Variants in CAMTA1 observed in about 807,000 individuals in gnomAD.
The protein encoded by CAMTA1 is calmodulin binding transcription activator 1.
CAMTA1 carries 27 observed loss-of-function variants against 170.9 expected under a neutral mutation model. The ratio of observed to expected loss-of-function variants is 0.16; its 90% CI spans 0.12 to 0.22. The LOEUF (loss-of-function observed/expected upper bound fraction) is 0.22. Ranked by LOEUF, CAMTA1 falls within the 10% of genes least tolerant of loss-of-function variation. CAMTA1 has a pLI of 1.00. For synonymous variants in CAMTA1, 833 were observed against 891.5 expected, an observed-to-expected ratio of 0.93 and a Z score of 1.17; for missense variants, 1,619 against 2,217.2, an observed-to-expected ratio of 0.73 and a Z score of 5.42.
intron 7 of CAMTA1, among the ~76,000 whole-genome samples, chr1:7,656,641 T>C (rs2095905607): frequency 6.6e-6 from 1 of 152,196 alleles, no homozygotes; most frequent in African/African-American, 2.4e-5. Context: ...CCCAAGGGCA[T>C]GGGATGGAGC....
chr1:7,037,175 TC>T (rs1703721876), intron 3 of CAMTA1, among the ~76,000 whole-genome samples: 1 of 152,238 alleles, frequency 6.6e-6, no homozygotes, highest in Admixed American at 6.5e-5. Context: ...TTTAGTTCTT[TC>T]TACTTGCAGC....
intron 3 of CAMTA1, among the ~76,000 whole-genome samples, chr1:6,897,178 C>T (rs1157689490): frequency 6.6e-6 from 1 of 152,160 alleles, no homozygotes; most frequent in Non-Finnish European, 1.5e-5. Flanking sequence ...AGGGAACAAA[C>T]AGGTTGAGCA....
At position 7,299,582 on chromosome 1, in the gene CAMTA1, G is replaced by A. The variant is rs1259439258; in HGVS notation, c.438+49956G>A. Among the ~76,000 whole-genome samples, 1 of 152,224 alleles carries A rather than the reference G, an allele frequency of 6.6e-6. No individual in the cohort carries two copies. Among genetic ancestry groups the A allele is most frequent in the South Asian group, 2.1e-4 (1 of 4,834 alleles). On this transcript the variant is annotated intron_variant, in intron 5 of 22. Transcript: ENST00000303635. This position sits in a 1 kb window ranked among gnomAD's most constrained non-coding sequence, Gnocchi z 4.7. ...TCCCCGGAGTCAGACGCTGGCCCTT[G>A]TGTCTCAGGCTCCTGGAACCTTCCG...
At chr1:7,466,109 G>T (rs1048582355) in intron 5 of CAMTA1, among the ~76,000 whole-genome samples, 1 of 152,356 alleles carries the variant, frequency 6.6e-6, no homozygotes, top group African/African-American at 2.4e-5. Flanking sequence ...GATGGTGAAT[G>T]TCACAGGTGG....
At chr1:6,893,268 AAAAG>A (rs1455400785) in intron 3 of CAMTA1, among the ~76,000 whole-genome samples, 1 of 152,146 alleles carries the variant, frequency 6.6e-6, no homozygotes, top group South Asian at 2.1e-4. Flanking sequence ...CTCGAGGAAA[AAAAG>A]AAAAGAAGAA....
At chr1:6,805,529 A>G (rs898701528) in intron 1 of CAMTA1, among the ~76,000 whole-genome samples, 1 of 151,744 alleles carries the variant, frequency 6.6e-6, no homozygotes, top group Non-Finnish European at 1.5e-5. Context: ...TTTTTGAGAG[A>G]GGGTCTCATT....
At chr1:7,098,313 G>A (rs563788296) in intron 4 of CAMTA1, among the ~76,000 whole-genome samples, 11 of 152,370 alleles carry the variant, frequency 7.2e-5, no homozygotes, top group African/African-American at 1.7e-4. Flanking sequence ...AACCGGGAAC[G>A]CACTTCAAAT....
intron 6 of CAMTA1, among the ~76,000 whole-genome samples, chr1:7,515,736 C>T (rs967121972): frequency 4.6e-5 from 7 of 152,206 alleles, no homozygotes; most frequent in Non-Finnish European, 7.3e-5. Context: ...TAACCTCTCG[C>T]GAGCCCTGGA....
chr1:6,908,989 T>A (rs1679146522), intron 3 of CAMTA1, among the ~76,000 whole-genome samples: 1 of 152,256 alleles, frequency 6.6e-6, no homozygotes, highest in Admixed American at 6.5e-5. Context: ...AATCAAAGAA[T>A]AACATGGCGA....
intron 6 of CAMTA1, among the ~76,000 whole-genome samples, chr1:7,632,972 T>A (rs2095682265): frequency 6.6e-6 from 1 of 152,240 alleles, no homozygotes; most frequent in African/African-American, 2.4e-5. Context: ...ACCTTACACA[T>A]GAGCGCTGCT....
At chr1:7,646,652 C>A (rs2095807728) in intron 7 of CAMTA1, among the ~76,000 whole-genome samples, 1 of 146,064 alleles carries the variant, frequency 6.8e-6, no homozygotes, top group Non-Finnish European at 1.5e-5. Context: ...GAGGTAGAGG[C>A]CCTGGTGACT....
At chr1:7,204,118 G>A (rs1237324678) in intron 4 of CAMTA1, among the ~76,000 whole-genome samples, 4 of 151,996 alleles carry the variant, frequency 2.6e-5, no homozygotes, top group Admixed American at 2.6e-4. Context: ...GATTACAGGT[G>A]TGAGCCACTG....
At chr1:6,941,928 G>A (rs1686708341) in intron 3 of CAMTA1, among the ~76,000 whole-genome samples, 1 of 152,236 alleles carries the variant, frequency 6.6e-6, no homozygotes, top group South Asian at 2.1e-4. Flanking sequence ...CCACTGAAGA[G>A]CCTGAGAACC....
intron 5 of CAMTA1, among the ~76,000 whole-genome samples, chr1:7,375,496 C>T (rs1399763522): frequency 2.0e-5 from 3 of 152,146 alleles, no homozygotes; most frequent in African/African-American, 4.8e-5. Context: ...GGGACTGAGG[C>T]GGACGCACAT....
In CAMTA1 at chr1:7,585,611, G is replaced by T. The variant is rs187758182; in HGVS notation, c.511-54789G>T. 1.3e-5 allele frequency among the ~76,000 whole-genome samples: 2 copies of T among 152,156 alleles called. No individual in the cohort carries two copies. Among genetic ancestry groups the T allele is most frequent in the Admixed American group, 1.3e-4 (2 of 15,280 alleles). On this transcript the variant is annotated intron_variant, in intron 6 of 22. Coordinates refer to ENST00000303635, the MANE Select transcript of CAMTA1 (RefSeq NM_015215.4). This position sits in a 1 kb window ranked among gnomAD's most constrained non-coding sequence, Gnocchi z 4.8. Reference sequence around the variant, plus strand: ...TGAAAGAACGTGAACATGGGATCACGCTGGCTACTGGTGCAGAGGGCAAGG... The same window carrying T: ...TGAAAGAACGTGAACATGGGATCACTCTGGCTACTGGTGCAGAGGGCAAGG...
At chr1:6,820,552 C>G (rs566711090) in intron 2 of CAMTA1, among the ~76,000 whole-genome samples, 9 of 152,246 alleles carry the variant, frequency 5.9e-5, no homozygotes, top group African/African-American at 2.2e-4. Flanking sequence ...TGTCCAATAC[C>G]AGGTGACTTA....
At position 7,197,628 on chromosome 1, in the gene CAMTA1, C is replaced by CCACACACACA. The variant is rs3222484; in HGVS notation, c.303-51822_303-51813dup. On this transcript the variant is annotated intron_variant, in intron 4 of 22. Coordinates refer to ENST00000303635, the MANE Select transcript of CAMTA1 (RefSeq NM_015215.4). ...AGGACACTCAAATTATTGTCCCCCACCACACACACACACACACACACACAC... is the reference window on the plus strand; with the variant it reads ...AGGACACTCAAATTATTGTCCCCCACCACACACACACACACACACACACACACACACACAC... Among the ~76,000 whole-genome samples, 300 of 109,866 alleles carry CCACACACACA rather than the reference C, an allele frequency of 2.7e-3. 2 individuals are homozygous for CCACACACACA. The highest frequency in any genetic ancestry group is 0.011 in the East Asian group (27 of 2,480). The allele number at this position is 109,866 out of a possible 152,430, so 72.1% of individuals were successfully genotyped here. A position where few individuals can be genotyped will look rare whatever the true frequency, so the allele number is the denominator to read the frequency against.
At chr1:7,513,899 G>A (rs958678656) in intron 6 of CAMTA1, among the ~76,000 whole-genome samples, 1 of 152,068 alleles carries the variant, frequency 6.6e-6, no homozygotes, top group Non-Finnish European at 1.5e-5. Flanking sequence ...TCCAGCCTGG[G>A]CGACAAGAGT....
At chr1:7,379,971 T>C (rs78808531) in intron 5 of CAMTA1, among the ~76,000 whole-genome samples, 3 of 152,336 alleles carry the variant, frequency 2.0e-5, no homozygotes, top group East Asian at 1.9e-4. Context: ...AAAAGGGCTG[T>C]TCTTAATCAG....
Sources: allele counts gnomAD v4.1 joint callset (sites outside exome capture counted in the v4.1 genomes callset), GRCh38; gene constraint gnomAD v4.1.1; non-coding constraint Gnocchi (gnomAD v3.1); transcripts MANE v1.5; gene names NCBI Gene and HGNC (gene_info 2026-07-23, HGNC 2026-07-21).